The following HECW1 variants were observed in gnomAD, a reference collection of about 807,000 sequenced individuals.
HECW1 encodes the protein HECT, C2 and WW domain containing E3 ubiquitin protein ligase 1.
In HECW1, 61 loss-of-function variants were observed where a neutral mutation model predicts 182.3. The observed-to-expected ratio is 0.33, with a 90% CI of 0.27 to 0.41. The LOEUF (loss-of-function observed/expected upper bound fraction) is 0.41, where lower values mean the gene tolerates loss of function less well. HECW1 is among the 10% of genes least tolerant of loss of function. HECW1 has a pLI of 1.00. For missense variants in HECW1, 1,739 were observed against 2,108.9 expected, an observed-to-expected ratio of 0.82 and a Z score of 3.44; for synonymous variants, 859 against 832.6, an observed-to-expected ratio of 1.03 and a Z score of -0.55.
rs374325824 is a variant in HECW1 at position 43,167,563 on chromosome 7, C to T, written c.-32+53172C>T. On this transcript the variant is annotated intron_variant, in intron 2 of 29. Transcript: ENST00000395891. The stretch of plus-strand genomic sequence containing the variant: ...TGGGAGGACATTACAGAGGAACCTA[C>T]AAGAAGTGAAAGAGAATGCATAGGT... 4.6e-4 allele frequency among the ~76,000 whole-genome samples: 70 copies of T among 152,214 alleles called. 1 individual carries two copies. In the South Asian group the frequency reaches 0.013, roughly 28 times the overall value.
At chr7:43,210,493 G>T (rs1035784168) in intron 2 of HECW1, among the ~76,000 whole-genome samples, 1 of 150,206 alleles carries the variant, frequency 6.7e-6, no homozygotes, top group African/African-American at 2.5e-5. Context: ...GTTACAGGGC[G>T]TCCTTGCTCC....
intron 3 of HECW1, among the ~76,000 whole-genome samples, chr7:43,286,749 T>C (rs1234645124): frequency 6.6e-6 from 1 of 152,130 alleles, no homozygotes; most frequent in Non-Finnish European, 1.5e-5. Flanking sequence ...TTATAACTAC[T>C]AAAAAGTCAT....
At chr7:43,452,315 G>T (rs1275268407) in intron 12 of HECW1, among the ~76,000 whole-genome samples, 1 of 152,186 alleles carries the variant, frequency 6.6e-6, no homozygotes, top group African/African-American at 2.4e-5. Context: ...AATCTGTGCA[G>T]TACAGATGAC....
chr7:43,415,900 C>T (rs1481371687), intron 8 of HECW1, among the ~76,000 whole-genome samples: 4 of 128,082 alleles, frequency 3.1e-5, no homozygotes, highest in Non-Finnish European at 6.5e-5. Context: ...AAGCACTTCT[C>T]TGTATTGGTT....
chr7:43,460,496 CT>C (rs550556785), intron 13 of HECW1, among the ~76,000 whole-genome samples: 1 of 151,858 alleles, frequency 6.6e-6, no homozygotes, highest in Middle Eastern at 3.4e-3. Context: ...TTTTGGAGGG[CT>C]TTTTTCCTTC....
intron 2 of HECW1, among the ~76,000 whole-genome samples, chr7:43,181,841 G>T (rs2152676736): frequency 6.6e-6 from 1 of 150,728 alleles, no homozygotes; most frequent in South Asian, 2.1e-4. Context: ...AGGCTGGAGT[G>T]CAGTGGTGCG....
chr7:43,493,298 A>G (rs1585079774), intron 19 of HECW1, 118 bp downstream of exon 19: 1 of 623,462 alleles, frequency 1.6e-6, no homozygotes, highest in East Asian at 2.8e-5. Context: ...TGTGCATTTA[A>G]ATGAGAACTT....
At chr7:43,239,940 G>A (rs542633734) in intron 2 of HECW1, 1 of 152,312 alleles carries the variant, frequency 6.6e-6, no homozygotes, top group African/African-American at 2.4e-5. Context: ...CTTTCTTCTA[G>A]GGTGGGGTTC....
chr7:43,224,043 C>T (rs1797212016), intron 2 of HECW1, among the ~76,000 whole-genome samples: 1 of 152,234 alleles, frequency 6.6e-6, no homozygotes. Context: ...TTCTACTATA[C>T]TACAGGACTC....
At chr7:43,123,344 T>C (rs1037929354) in intron 2 of HECW1, among the ~76,000 whole-genome samples, 7 of 152,154 alleles carry the variant, frequency 4.6e-5, no homozygotes, top group African/African-American at 1.7e-4. Context: ...TTAAACTTAA[T>C]TTTACCAAAA....
intron 2 of HECW1, among the ~76,000 whole-genome samples, chr7:43,215,667 C>T (rs1796379720): frequency 2.0e-5 from 3 of 152,040 alleles, no homozygotes; most frequent in African/African-American, 7.2e-5. Context: ...TCTTTGAGGC[C>T]CTTGTATAAT....
intron 21 of HECW1, among the ~76,000 whole-genome samples, chr7:43,501,651 G>A (rs570310828): frequency 6.6e-5 from 10 of 151,994 alleles, no homozygotes; most frequent in South Asian, 2.1e-4. Flanking sequence ...GCAACATAGC[G>A]AGCTCCCCTT....
At position 43,444,889 on chromosome 7, in the gene HECW1, G is replaced by T. The variant is rs754513729; in HGVS notation, c.1717G>T (p.Ala573Ser). 1.2e-6 allele frequency: 2 copies of T among 1,605,500 alleles called. No homozygotes were observed. The highest frequency in any genetic ancestry group is 8.5e-7 in the Non-Finnish European group (1 of 1,174,888). ...CACCCTGCTGCACAGCATGCCCTCC[G>T]CCCAGGGCGGCAGCGCGGCAGAGGA... The part of the protein sequence containing the change: ...IHTLLHSMPS[A>S]QGGSAAEEED... The change falls in exon 11 of 30, where the codon GCC (alanine) becomes TCC (serine). Residue 573 changes from alanine to serine, a missense_variant. Ala to Ser is a moderately conservative substitution (Grantham distance 99, BLOSUM62 1). This residue lies in a region of HECW1 where 971 missense variants were observed against 1,029.1 expected (regional missense o/e 0.94). Transcript: ENST00000395891. This position sits in a 1 kb window ranked among gnomAD's most constrained non-coding sequence, Gnocchi z 4.3.
intron 3 of HECW1, among the ~76,000 whole-genome samples, chr7:43,285,283 A>G (rs1234219634): frequency 6.6e-6 from 1 of 152,098 alleles, no homozygotes; most frequent in African/African-American, 2.4e-5. Context: ...TGATACTCAG[A>G]CCTCACCACT....
intron 8 of HECW1, among the ~76,000 whole-genome samples, chr7:43,430,051 T>A (rs1417936258): frequency 3.3e-5 from 5 of 152,250 alleles, no homozygotes; most frequent in East Asian, 1.9e-4. Context: ...TTAACTTTCC[T>A]TACCAGTTTT....
chr7:43,259,765 A>G (rs904232680), intron 3 of HECW1, among the ~76,000 whole-genome samples: 9 of 152,228 alleles, frequency 5.9e-5, no homozygotes, highest in African/African-American at 1.9e-4. Context: ...AAATTATTCA[A>G]ACTAAAGCAC....
intron 24 of HECW1, among the ~76,000 whole-genome samples, chr7:43,525,917 C>G (rs1436940441): frequency 6.6e-6 from 1 of 152,186 alleles, no homozygotes; most frequent in East Asian, 1.9e-4. Flanking sequence ...GCTGTCCCTA[C>G]TATCCAGACT....
At chr7:43,180,091 G>T (rs976511635) in intron 2 of HECW1, among the ~76,000 whole-genome samples, 10 of 152,224 alleles carry the variant, frequency 6.6e-5, no homozygotes, top group Non-Finnish European at 1.5e-5. Flanking sequence ...GCCCTTAGCA[G>T]AGTTGGTAAC....
chr7:43,182,422 A>G (rs10216035), intron 2 of HECW1, among the ~76,000 whole-genome samples: 36,817 of 152,064 alleles, frequency 0.24, 4,642 homozygotes, highest in Middle Eastern at 0.27. Context: ...CCTTTCCCCA[A>G]TGTGTGTTTT....
Sources: gnomAD v4.1 joint callset for allele counts (sites outside exome capture counted in the v4.1 genomes callset) on GRCh38, gnomAD v4.1.1 for gene constraint, gnomAD v4.1.1 regional missense constraint, Gnocchi (gnomAD v3.1) non-coding constraint, MANE v1.5 for transcripts, NCBI Gene and HGNC (gene_info 2026-07-23, HGNC 2026-07-21) for gene names.